The following RHCG variants were observed in gnomAD, a reference collection of about 807,000 sequenced individuals.
RHCG encodes ammonium transporter Rh type C.
In RHCG, 39 loss-of-function variants were observed where a neutral mutation model predicts 55.3. That is an observed-to-expected ratio of 0.70 (90% CI 0.55 to 0.92). The LOEUF (loss-of-function observed/expected upper bound fraction) is 0.92. Among genes scored for constraint, RHCG ranks in the 40% least tolerant of loss-of-function variants. The pLI is 0.00. For synonymous variants in RHCG, 250 were observed against 246.8 expected, an observed-to-expected ratio of 1.01 and a Z score of -0.12; for missense variants, 635 against 627.9, an observed-to-expected ratio of 1.01 and a Z score of -0.12.
In RHCG at chr15:89,477,800, A is replaced by C; in HGVS notation, c.975+37T>G. 6.2e-7 allele frequency: 1 copy of C among 1,612,742 alleles called. No individual in the cohort carries two copies. Among genetic ancestry groups the C allele is most frequent in the Non-Finnish European group, 8.5e-7 (1 of 1,179,198 alleles). On this transcript the variant is annotated intron_variant, in intron 6 of 10. Transcript: ENST00000268122. This position sits in a 1 kb window ranked among gnomAD's most constrained non-coding sequence, Gnocchi z 4.5. The stretch of plus-strand genomic sequence containing the variant: ...CTGTCAGGAACACAAAGACCTCAGC[A>C]TTCTCTAGCCCCCAGCCCCTTGCCT...
chr15:89,472,915 T>G, intron 9 of RHCG, 52 bp from the exon 10 acceptor site: 1 of 1,392,994 alleles, frequency 7.2e-7, no homozygotes, highest in Non-Finnish European at 9.4e-7. Flanking sequence ...CAGGCAAGGG[T>G]GTCCCTGGTG....
chr15:89,488,431 T>C (rs907459608), intron 1 of RHCG, among the ~76,000 whole-genome samples: 13 of 152,222 alleles, frequency 8.5e-5, no homozygotes, highest in Non-Finnish European at 1.8e-4. Context: ...ATAGACTGCT[T>C]ATTAGTTGCA....
chr15:89,478,091 G>A (rs769321649), intron 5 of RHCG, 117 bp from the exon 6 acceptor site: 1 of 1,352,884 alleles, frequency 7.4e-7, no homozygotes, highest in Non-Finnish European at 9.9e-7. Context: ...AGCCGGGGAT[G>A]GCTGGGAGTT....
chr15:89,490,894 G>T (rs1961463099), intron 1 of RHCG, among the ~76,000 whole-genome samples: 1 of 152,246 alleles, frequency 6.6e-6, no homozygotes, highest in Middle Eastern at 3.4e-3. Flanking sequence ...AGAGCTGTGA[G>T]TTGCAATGTG....
At chr15:89,493,741 G>A (rs1344189149) in intron 1 of RHCG, among the ~76,000 whole-genome samples, 1 of 152,184 alleles carries the variant, frequency 6.6e-6, no homozygotes, top group Non-Finnish European at 1.5e-5. Context: ...AGACTAGGGA[G>A]GAGAGTGGGC....
Position 89,477,618 on chromosome 15 carries a change from T to G in RHCG, c.1011A>C (p.Thr337=), listed in dbSNP as rs1284410821. The G allele has an allele frequency of 6.2e-7, 1 of 1,613,972 alleles. No individual in the cohort carries two copies. The highest frequency in any genetic ancestry group is 8.5e-7 in the Non-Finnish European group (1 of 1,180,030). ...TGCCATGCAGATTGTTAATGCCACA[T>G]GTGTCCTGGATGTGCAGCCGGGACT... ...FLESRLHIQD[T]CGINNLHGIP... The change falls in exon 7 of 11, where the codon ACA becomes ACC. Residue 337 remains threonine (T), a synonymous_variant. Coordinates refer to ENST00000268122, the MANE Select transcript of RHCG (RefSeq NM_016321.3). The surrounding 1 kb of genome is among the most constrained non-coding windows in gnomAD (Gnocchi z 4.5).
intron 9 of RHCG, among the ~76,000 whole-genome samples, chr15:89,473,334 G>A (rs999143614): frequency 1.3e-5 from 2 of 152,122 alleles, no homozygotes; most frequent in Non-Finnish European, 1.5e-5. Context: ...GCCAGAAGTG[G>A]GTAGAGAGGT....
At chr15:89,476,523 T>C (rs912551635) in intron 9 of RHCG, among the ~76,000 whole-genome samples, 3 of 152,126 alleles carry the variant, frequency 2.0e-5, no homozygotes, top group Non-Finnish European at 4.4e-5. Flanking sequence ...TCACCCCCTC[T>C]AGGGTGTGCA....
At chr15:89,480,190 A>G in intron 4 of RHCG, 71 bp downstream of exon 4, 2 of 1,600,136 alleles carry the variant, frequency 1.2e-6, no homozygotes, top group Non-Finnish European at 1.7e-6. Context: ...TTCACCCATC[A>G]TGGCTGCCTT....
chr15:89,480,189 C>G, intron 4 of RHCG, 72 bp downstream of exon 4: 1 of 1,594,330 alleles, frequency 6.3e-7, no homozygotes, highest in African/African-American at 1.3e-5. Flanking sequence ...CTTCACCCAT[C>G]ATGGCTGCCT....
rs1261683517 is a variant in RHCG, at chr15:89,472,837, G to A, written c.1338C>T (p.Tyr446=). The change falls in exon 10 of 11, where the codon TAC becomes TAT. Residue 446 remains tyrosine, a synonymous_variant. Transcript: ENST00000268122. ...GCTTGAAGGTGGGGTCCTCAGGGAT[G>A]TAGACAGTGCTGTTCCCTTCAGGCA... ...WEMPEGNSTV[Y]IPEDPTFKPS... 1 of 1,539,550 alleles carries A rather than the reference G, an allele frequency of 6.5e-7. No homozygotes were observed. Among genetic ancestry groups the A allele is most frequent in the Non-Finnish European group, 8.8e-7 (1 of 1,140,084 alleles).
At chr15:89,473,644 AAAAAC>A (rs1823242945) in intron 9 of RHCG, among the ~76,000 whole-genome samples, 1 of 152,328 alleles carries the variant, frequency 6.6e-6, no homozygotes, top group East Asian at 1.9e-4. Context: ...AATAAAAACA[AAAAAC>A]AATACAGCAT....
intron 5 of RHCG, 143 bp downstream of exon 5, chr15:89,479,179 G>A (rs1961215697): frequency 5.4e-6 from 4 of 741,114 alleles, no homozygotes; most frequent in Non-Finnish European, 8.0e-6. Context: ...AACTGGCCAT[G>A]TGCTCAAAAC....
chr15:89,472,565 G>T, intron 10 of RHCG, 146 bp downstream of exon 10: 1 of 727,542 alleles, frequency 1.4e-6, no homozygotes, highest in Non-Finnish European at 2.2e-6. Context: ...AACCCCATGT[G>T]CCCACTGCAC....
intron 1 of RHCG, among the ~76,000 whole-genome samples, chr15:89,487,398 T>A (rs1182277439): frequency 6.6e-6 from 1 of 152,114 alleles, no homozygotes; most frequent in East Asian, 1.9e-4. Context: ...GCATCAGAAT[T>A]TGGGGCCAGG....
intron 1 of RHCG, among the ~76,000 whole-genome samples, chr15:89,487,822 A>G (rs1376256889): frequency 5.3e-5 from 8 of 152,208 alleles, no homozygotes; most frequent in South Asian, 2.1e-4. Context: ...GGCAGATGTC[A>G]TTGTTTATGT....
rs1341925835 is a variant in RHCG at position 89,474,722 on chromosome 15, ATTCCTTCCTGCCTGCC to A, written c.1312-1875_1312-1860del. ...AGTTGCCTGCCTGCTGCCTTCGTTCATTCCTTCCTGCCTGCCTTCCTTCCTGCCTGCCTTCCTTCCT... is the reference window on the plus strand; with the variant it reads ...AGTTGCCTGCCTGCTGCCTTCGTTCATTCCTTCCTGCCTGCCTTCCTTCCT... On this transcript the variant is annotated intron_variant, in intron 9 of 10. Transcript: ENST00000268122. Among the ~76,000 whole-genome samples the A allele has an allele frequency of 3.0e-3, 453 of 150,044 alleles. 1 individual carries two copies. Among genetic ancestry groups the A allele is most frequent in the Non-Finnish European group, 5.2e-3 (353 of 67,510 alleles).
chr15:89,493,325 G>T (rs995966223), intron 1 of RHCG, among the ~76,000 whole-genome samples: 5 of 152,210 alleles, frequency 3.3e-5, no homozygotes, highest in Admixed American at 2.6e-4. Flanking sequence ...CAGCCCACAG[G>T]GAAGCTGCGT....
rs778800257 is a variant in RHCG at position 89,496,548 on chromosome 15, G to T, written c.-4C>A. On this transcript the variant is annotated 5_prime_UTR_variant, in exon 1 of 11. Transcript: ENST00000268122. ...GGAGGTTGGTGTTCCAGGCCATGCT[G>T]CAGGGGTGCCTGGCCGGGCTGGCAG... 5 of 1,607,500 alleles carry T rather than the reference G, an allele frequency of 3.1e-6. No homozygotes were observed. In the East Asian group the frequency reaches 1.1e-4, roughly 36 times the overall value.
Sources: gnomAD v4.1 joint callset for allele counts (sites outside exome capture counted in the v4.1 genomes callset) on GRCh38, gnomAD v4.1.1 for gene constraint, Gnocchi (gnomAD v3.1) non-coding constraint, MANE v1.5 for transcripts, NCBI Gene and HGNC (gene_info 2026-07-23, HGNC 2026-07-21) for gene names.